The following SPINK9 variants were observed in gnomAD, a reference collection of about 807,000 sequenced individuals.
SPINK9 encodes serine peptidase inhibitor Kazal type 9.
In SPINK9, 3 loss-of-function variants were observed where a neutral mutation model predicts 10.8. The observed-to-expected ratio is 0.28, with a 90% CI of 0.13 to 0.72. The LOEUF (loss-of-function observed/expected upper bound fraction) is 0.72. SPINK9 is among the 30% of genes least tolerant of loss of function. The pLI is 0.74. For missense variants in SPINK9, 101 were observed against 103.2 expected (o/e 0.98, Z 0.09); for synonymous variants, 30 against 31.2 (o/e 0.96, Z 0.12).
At chr5:148,323,949 C>T (rs1407855358) in intron 2 of SPINK9, 5 of 620,134 alleles carry the variant, frequency 8.1e-6, no homozygotes, top group Non-Finnish European at 1.5e-5. Context: ...ATAATCACCC[C>T]TAATTAGACA....
At chr5:148,333,446 T>G (rs1304851972), upstream of SPINK9, among the ~76,000 whole-genome samples, 1 of 152,220 alleles carries the variant, frequency 6.6e-6, no homozygotes, top group Non-Finnish European at 1.5e-5. Flanking sequence ...GGCTAGCCCA[T>G]AGGCAGTGTG....
At chr5:148,329,759 T>C (rs1250785840) in intron 2 of SPINK9, among the ~76,000 whole-genome samples, 6 of 152,228 alleles carry the variant, frequency 3.9e-5, no homozygotes, top group South Asian at 2.1e-4. Context: ...CATTTTGTTA[T>C]GTACCCAGTA....
chr5:148,328,217 T>C lies in SPINK9; in HGVS notation c.118+4349T>C, dbSNP rs553517725. ...TTTGTAGTTCTCCTTGAAGAGGTCCTTCACATCCCTTGTAAGTTGGATTCC... is the reference window on the plus strand; with the variant it reads ...TTTGTAGTTCTCCTTGAAGAGGTCCCTCACATCCCTTGTAAGTTGGATTCC... On this transcript the variant is annotated intron_variant, in intron 2 of 4. Coordinates refer to the SPINK9 transcript ENST00000511717. 2.0e-5 allele frequency among the ~76,000 whole-genome samples: 3 copies of C among 152,326 alleles called. No individual in the cohort carries two copies. In the South Asian group the frequency reaches 6.2e-4, roughly 32 times the overall value.
Position 148,339,812 on chromosome 5 carries a change from T to G in SPINK9, c.*100T>G. 1 of 931,522 alleles carries G rather than the reference T, an allele frequency of 1.1e-6. No homozygotes were observed. Among genetic ancestry groups the G allele is most frequent in the East Asian group, 2.6e-5 (1 of 38,718 alleles). 57.7% of individuals were successfully genotyped at this position (931,522 alleles called of 1,614,324 possible). A position where few individuals can be genotyped will look rare whatever the true frequency, so the allele number is the denominator to read the frequency against. On this transcript the variant is annotated 3_prime_UTR_variant, in exon 4 of 4. Coordinates refer to ENST00000377906, the MANE Select transcript of SPINK9 (RefSeq NM_001040433.2). The stretch of plus-strand genomic sequence containing the variant: ...ATGCCACATTGCCTACTCATCACCA[T>G]ATGTAGATTTCTTTGTAGAATAAAG...
At chr5:148,338,433 A>C in intron 2 of SPINK9, 45 bp from the exon 3 acceptor site, 1 of 1,552,678 alleles carries the variant, frequency 6.4e-7, no homozygotes, top group Non-Finnish European at 8.7e-7. Context: ...CCTGATAATA[A>C]AGATTTGGTT....
intron 1 of SPINK9, among the ~76,000 whole-genome samples, chr5:148,322,528 C>A (rs1444275700): frequency 1.3e-5 from 2 of 152,156 alleles, no homozygotes; most frequent in African/African-American, 2.4e-5. Context: ...AAGAGAAGAA[C>A]CCAGGTCTGC....
At chr5:148,326,521 A>C (rs552926096) in intron 2 of SPINK9, among the ~76,000 whole-genome samples, 4 of 152,034 alleles carry the variant, frequency 2.6e-5, no homozygotes, top group African/African-American at 9.7e-5. Context: ...ATGAATTTTT[A>C]TTATTATTAT....
intron 1 of SPINK9, among the ~76,000 whole-genome samples, chr5:148,322,973 C>G (rs1289758537): frequency 6.6e-6 from 1 of 152,044 alleles, no homozygotes; most frequent in Non-Finnish European, 1.5e-5. Context: ...TTCCCAGAAT[C>G]CTTTTAATAT....
upstream of SPINK9, among the ~76,000 whole-genome samples, chr5:148,334,467 T>C (rs578228019): frequency 6.6e-6 from 1 of 152,168 alleles, no homozygotes; most frequent in South Asian, 2.1e-4. Context: ...TTGCAGCACT[T>C]TGGGAGGCCA....
upstream of SPINK9, among the ~76,000 whole-genome samples, chr5:148,331,033 T>G (rs1189875900): frequency 6.6e-6 from 1 of 152,228 alleles, no homozygotes; most frequent in Non-Finnish European, 1.5e-5. Context: ...CCCTTGCACT[T>G]CCTGGGTGAG....
chr5:148,337,921 T>C (rs955702777), intron 2 of SPINK9, among the ~76,000 whole-genome samples: 7 of 152,138 alleles, frequency 4.6e-5, no homozygotes, highest in African/African-American at 1.7e-4. Flanking sequence ...CTCTAGGAAT[T>C]TAGAACACTG....
chr5:148,334,569 G>T (rs1013589629), upstream of SPINK9, among the ~76,000 whole-genome samples: 1 of 152,086 alleles, frequency 6.6e-6, no homozygotes, highest in African/African-American at 2.4e-5. Context: ...AAATTAGCCA[G>T]GTGTGGTGGC....
intron 2 of SPINK9, chr5:148,323,953 T>A (rs936519445): frequency 2.9e-5 from 18 of 613,102 alleles, no homozygotes; most frequent in Non-Finnish European, 4.4e-5. Context: ...TCACCCCTAA[T>A]TAGACATGTA....
In SPINK9 at chr5:148,335,681, G is replaced by A; in HGVS notation, c.55+13G>A. 2 of 1,613,040 alleles carry A rather than the reference G, an allele frequency of 1.2e-6. No individual in the cohort carries two copies. The highest frequency in any genetic ancestry group is 1.7e-6 in the Non-Finnish European group (2 of 1,179,608). Reference sequence around the variant, plus strand: ...GCAACCATGTTCAGTGAGTATCTCTGATAATACTGCCCCTGCCCTTGTACT... The same window carrying A: ...GCAACCATGTTCAGTGAGTATCTCTAATAATACTGCCCCTGCCCTTGTACT... On this transcript the variant is annotated intron_variant, in intron 1 of 3. Coordinates refer to ENST00000377906, the MANE Select transcript of SPINK9 (RefSeq NM_001040433.2).
intron 2 of SPINK9, among the ~76,000 whole-genome samples, chr5:148,326,037 G>A (rs896959029): frequency 6.6e-6 from 1 of 152,158 alleles, no homozygotes; most frequent in Non-Finnish European, 1.5e-5. Flanking sequence ...AAATATACAA[G>A]GAACTCAAAC....
intron 2 of SPINK9, 50 bp from the exon 3 acceptor site, chr5:148,338,428 T>C (rs1581191163): frequency 1.2e-5 from 18 of 1,546,472 alleles, no homozygotes; most frequent in Non-Finnish European, 1.6e-5. Context: ...TAAATCCTGA[T>C]AATAAAGATT....
upstream of SPINK9, among the ~76,000 whole-genome samples, chr5:148,333,366 C>CACAGCATCTTTTACTGAAGTGGCAGTAT (rs1757175081): frequency 6.6e-6 from 1 of 152,214 alleles, no homozygotes; most frequent in Non-Finnish European, 1.5e-5. Context: ...GATGGTGTTA[C>CACAGCATCTTTTACTGAAGTGGCAGTAT]ACAGCATCTT....
intron 2 of SPINK9, among the ~76,000 whole-genome samples, chr5:148,330,085 G>C (rs1349728146): frequency 1.3e-5 from 2 of 152,134 alleles, no homozygotes; most frequent in Non-Finnish European, 2.9e-5. Flanking sequence ...TCGTTGATCT[G>C]TCTAATGTTG....
At chr5:148,329,856 T>G (rs1757123270) in intron 2 of SPINK9, among the ~76,000 whole-genome samples, 1 of 152,242 alleles carries the variant, frequency 6.6e-6, no homozygotes, top group African/African-American at 2.4e-5. Context: ...TTGATTGCAC[T>G]GTGGTCTGAG....
Sources: allele counts gnomAD v4.1 joint callset (sites outside exome capture counted in the v4.1 genomes callset), GRCh38; gene constraint gnomAD v4.1.1; transcripts MANE v1.5; gene names NCBI Gene and HGNC (gene_info 2026-07-23, HGNC 2026-07-21).